SH3D19: variants seen among roughly 807,000 people sequenced by gnomAD.
SH3D19 encodes SH3 domain-containing protein 19.
A neutral mutation model predicts 112.1 loss-of-function variants in SH3D19; 58 were observed. The ratio of observed to expected loss-of-function variants is 0.52; its 90% confidence interval spans 0.42 to 0.64. The LOEUF (loss-of-function observed/expected upper bound fraction) is 0.64. Ranked by LOEUF, SH3D19 falls within the 30% of genes least tolerant of loss-of-function variation. SH3D19 has a pLI of 0.00. For missense variants in SH3D19, 1,090 were observed against 1,263.4 expected, an observed-to-expected ratio of 0.86 and a Z score of 2.08; for synonymous variants, 391 against 448.5, an observed-to-expected ratio of 0.87 and a Z score of 1.62.
chr4:151,304,467 C>G (rs563223244), intron 1 of SH3D19, among the ~76,000 whole-genome samples: 19 of 152,272 alleles, frequency 1.2e-4, no homozygotes, highest in Admixed American at 2.6e-4. Flanking sequence ...AGAACAAAAC[C>G]AACCTTATTC....
chr4:151,212,481 A>T (rs376374657), intron 2 of SH3D19, among the ~76,000 whole-genome samples: 5 of 152,216 alleles, frequency 3.3e-5, no homozygotes, highest in African/African-American at 7.2e-5. Flanking sequence ...CTTAAGAATT[A>T]TGATAAATCT....
intron 2 of SH3D19, among the ~76,000 whole-genome samples, chr4:151,225,773 C>T (rs1480699618): frequency 1.3e-5 from 2 of 152,180 alleles, no homozygotes; most frequent in South Asian, 2.1e-4. Context: ...AAATAAGTCA[C>T]AAAAACTAAT....
At chr4:151,127,219 T>C (rs1186304440) in intron 19 of SH3D19, among the ~76,000 whole-genome samples, 1 of 152,236 alleles carries the variant, frequency 6.6e-6, no homozygotes, top group East Asian at 1.9e-4. Flanking sequence ...GTGCAAATTG[T>C]AGCAGGTGCT....
chr4:151,144,126 T>C, intron 11 of SH3D19, 76 bp from the exon 12 acceptor site: 3 of 1,587,700 alleles, frequency 1.9e-6, no homozygotes, highest in South Asian at 1.1e-5. Context: ...TTTTAATCTT[T>C]GGAGCCTAAA....
At chr4:151,212,513 C>G (rs546295224) in intron 2 of SH3D19, among the ~76,000 whole-genome samples, 2 of 152,290 alleles carry the variant, frequency 1.3e-5, no homozygotes, top group East Asian at 1.9e-4. Flanking sequence ...GCCAGTGGAA[C>G]AACAAAGCCT....
intron 1 of SH3D19, among the ~76,000 whole-genome samples, chr4:151,252,190 T>C (rs1164064065): frequency 6.6e-6 from 1 of 152,230 alleles, no homozygotes. Context: ...ATAATTCCAT[T>C]AGCACACAAA....
At chr4:151,164,367 A>G (rs1213015711) in intron 8 of SH3D19, among the ~76,000 whole-genome samples, 1 of 152,220 alleles carries the variant, frequency 6.6e-6, no homozygotes, top group African/African-American at 2.4e-5. Flanking sequence ...GTGTGTGTAC[A>G]CATACACAAA....
intron 9 of SH3D19, among the ~76,000 whole-genome samples, chr4:151,150,563 A>T (rs1354566176): frequency 6.6e-6 from 1 of 151,972 alleles, no homozygotes; most frequent in East Asian, 1.9e-4. Flanking sequence ...GTCTGAGAGG[A>T]AGGCATGTAA....
chr4:151,274,685 C>T lies in SH3D19; in HGVS notation c.113-48599G>A, dbSNP rs144707741. Among the ~76,000 whole-genome samples the T allele has an allele frequency of 2.0e-3, 311 of 152,336 alleles. 3 individuals are homozygous for T. Among genetic ancestry groups the T allele is most frequent in the African/African-American group, 7.1e-3 (297 of 41,576 alleles). ...GGTCTTCAGGGTTGTCCTATGGCAG[C>T]TCCAGGTGTCCCTGTTATCCTGTTC... On this transcript the variant is annotated intron_variant, in intron 1 of 19. Coordinates refer to ENST00000604030, the MANE Select transcript of SH3D19 (RefSeq NM_001378122.1).
chr4:151,179,906 GTC>G (rs1760578207), intron 3 of SH3D19, among the ~76,000 whole-genome samples: 3 of 152,100 alleles, frequency 2.0e-5, no homozygotes, highest in Admixed American at 2.0e-4. Context: ...TTGAGACAGG[GTC>G]TCACCCTGTT....
chr4:151,184,829 C>T (rs1041529610), intron 3 of SH3D19, among the ~76,000 whole-genome samples: 2 of 152,158 alleles, frequency 1.3e-5, no homozygotes, highest in African/African-American at 4.8e-5. Flanking sequence ...TCCACATATT[C>T]TATTCATTGT....
At chr4:151,180,008 A>G (rs1289059938) in intron 3 of SH3D19, among the ~76,000 whole-genome samples, 3 of 152,096 alleles carry the variant, frequency 2.0e-5, no homozygotes, top group Admixed American at 1.3e-4. Context: ...TCAGCCTCCC[A>G]AGTAGCTGGG....
At chr4:151,267,786 CA>C (rs1772923397) in intron 1 of SH3D19, among the ~76,000 whole-genome samples, 1 of 152,006 alleles carries the variant, frequency 6.6e-6, no homozygotes, top group South Asian at 2.1e-4. Context: ...TCAAAATAAC[CA>C]GTCCCCCCTG....
intron 2 of SH3D19, among the ~76,000 whole-genome samples, chr4:151,221,410 C>T (rs1047522440): frequency 6.6e-6 from 1 of 152,222 alleles, no homozygotes; most frequent in Non-Finnish European, 1.5e-5. Flanking sequence ...CGGGGTAGCC[C>T]TGCTCAGCTG....
At chr4:151,143,819 A>G in intron 12 of SH3D19, 91 bp downstream of exon 12, 6 of 1,387,856 alleles carry the variant, frequency 4.3e-6, no homozygotes, top group Non-Finnish European at 5.9e-6. Context: ...TAAATGTGCT[A>G]ATAAAAACCT....
Position 151,175,484 on chromosome 4 carries a change from A to C in SH3D19, c.720T>G (p.Asp240Glu), listed in dbSNP as rs1206407072. The stretch of plus-strand genomic sequence containing the variant: ...GTTGACTTTGCTCTTTAATGTGAGA[A>C]TCTCTGGGTATTGGTCTGAGGTTGC... ...SKSNLRPIPRDSHIKEQSQQK... is the reference protein window; with the variant it reads ...SKSNLRPIPRESHIKEQSQQK... The change falls in exon 7 of 20, where the codon GAT (aspartate) becomes GAG (glutamate). Residue 240 changes from aspartate to glutamate, a missense_variant. Physicochemically the swap from Asp to Glu is conservative, Grantham distance 45. Transcript: ENST00000604030. The C allele has an allele frequency of 1.4e-6, 2 of 1,470,186 alleles. No individual in the cohort carries two copies. Among genetic ancestry groups the C allele is most frequent in the Non-Finnish European group, 9.0e-7 (1 of 1,114,884 alleles). The allele number at this position is 1,470,186 out of a possible 1,614,324, so 91.1% of individuals were successfully genotyped here.
At chr4:151,150,737 T>C (rs903401841) in intron 9 of SH3D19, among the ~76,000 whole-genome samples, 2 of 152,086 alleles carry the variant, frequency 1.3e-5, no homozygotes, top group Admixed American at 1.3e-4. Flanking sequence ...TAATGGTAGA[T>C]GAGAGAAACT....
chr4:151,287,472 A>G (rs1774921611), intron 1 of SH3D19, among the ~76,000 whole-genome samples: 1 of 152,222 alleles, frequency 6.6e-6, no homozygotes, highest in Non-Finnish European at 1.5e-5. Context: ...AGGTGTAAAA[A>G]TCCTCAATGA....
rs968332195 is a variant in SH3D19, at chr4:151,278,679, G to A, written c.112+46562C>T. On this transcript the variant is annotated intron_variant, in intron 1 of 19. Transcript: ENST00000604030. ...AGGGTCTCACTCTCTCGCCCAGGCT[G>A]GAGTGCAGTGGCATGATCTAAACTC... 2.6e-5 allele frequency among the ~76,000 whole-genome samples: 4 copies of A among 151,614 alleles called. No individual in the cohort carries two copies. The East Asian group carries it at 5.9e-4, about 22-fold the overall frequency.
Sources: gnomAD v4.1 joint callset for allele counts (sites outside exome capture counted in the v4.1 genomes callset) on GRCh38, gnomAD v4.1.1 for gene constraint, MANE v1.5 for transcripts, NCBI Gene and HGNC (gene_info 2026-07-23, HGNC 2026-07-21) for gene names.